Variants in LARGE1 observed in about 807,000 individuals in gnomAD.
The protein encoded by LARGE1 is LARGE xylosyl- and glucuronyltransferase 1, also known as xylosyl- and glucuronyltransferase LARGE1.
A neutral mutation model predicts 87.6 loss-of-function variants in LARGE1; 43 were observed. That is an observed-to-expected ratio of 0.49 (90% CI 0.38 to 0.63). LARGE1 has a LOEUF of 0.63. LARGE1 is among the 30% of genes least tolerant of loss of function. LARGE1 has a pLI of 0.00. For synonymous variants in LARGE1, 434 were observed against 394.6 expected (o/e 1.10, Z -1.18); for missense variants, 802 against 1,000.2 (o/e 0.80, Z 2.67).
chr22:33,873,122 T>C (rs9621791), intron 1 of LARGE1: 24,681 of 152,112 alleles, frequency 0.16, 2,121 homozygotes, highest in South Asian at 0.29. Context: ...GCCCAAACCA[T>C]CCCCAGCAAA....
chr22:33,686,658 C>A (rs932522690), intron 2 of LARGE1, among the ~76,000 whole-genome samples: 2 of 151,924 alleles, frequency 1.3e-5, no homozygotes, highest in Non-Finnish European at 2.9e-5. Flanking sequence ...TTTGGCCTAT[C>A]ATGGCCTAGA....
chr22:33,691,484 T>A (rs914286389), intron 2 of LARGE1, among the ~76,000 whole-genome samples: 1 of 152,142 alleles, frequency 6.6e-6, no homozygotes, highest in Admixed American at 6.5e-5. Flanking sequence ...CCAGCAAATA[T>A]TGACTGCACA....
chr22:33,186,753 A>G, intron 11 of LARGE1, among the ~76,000 whole-genome samples: 1 of 152,292 alleles, frequency 6.6e-6, no homozygotes, highest in East Asian at 1.9e-4. Flanking sequence ...GTAAAAATCT[A>G]TTAGACTTAA....
At chr22:33,840,907 G>A (rs2063263289) in intron 1 of LARGE1, among the ~76,000 whole-genome samples, 1 of 152,206 alleles carries the variant, frequency 6.6e-6, no homozygotes, top group African/African-American at 2.4e-5. Context: ...ACAGGCGTGA[G>A]CCACTGCACC....
At chr22:33,154,221 T>A in the LARGE1 span, among the ~76,000 whole-genome samples, 1 of 152,082 alleles carries the variant, frequency 6.6e-6, no homozygotes, top group African/African-American at 2.4e-5. Flanking sequence ...AAGTCAGGTT[T>A]ACATTTTTGT....
chr22:33,168,184 T>C (rs1922375564), intron 11 of LARGE1, among the ~76,000 whole-genome samples: 1 of 152,214 alleles, frequency 6.6e-6, no homozygotes, highest in African/African-American at 2.4e-5. Flanking sequence ...TTACCCCTGG[T>C]ACAACCAGCT....
At chr22:33,534,554 G>A (rs775192034) in intron 6 of LARGE1, among the ~76,000 whole-genome samples, 4 of 152,194 alleles carry the variant, frequency 2.6e-5, no homozygotes, top group Non-Finnish European at 5.9e-5. Context: ...AGCAAAGGGG[G>A]AATGCTGACC....
At chr22:33,421,245 T>TC (rs2066687286) in intron 7 of LARGE1, among the ~76,000 whole-genome samples, 1 of 149,692 alleles carries the variant, frequency 6.7e-6, no homozygotes, top group East Asian at 1.9e-4. Flanking sequence ...AATCAATCAA[T>TC]AAAGGAGTGG....
Position 33,499,757 on chromosome 22 carries a change from T to C in LARGE1, c.787+65091A>G, listed in dbSNP as rs373078915. 3.1e-3 allele frequency among the ~76,000 whole-genome samples: 466 copies of C among 152,294 alleles called. 5 individuals carry two copies. The highest frequency in any genetic ancestry group is 0.011 in the African/African-American group (450 of 41,572). ...TATGTGTTGTAATAGGTATTAGATA[T>C]GTAAAGATAAAACATGTAAATTTTT... On this transcript the variant is annotated intron_variant, in intron 6 of 14. Coordinates refer to ENST00000397394, the MANE Select transcript of LARGE1 (RefSeq NM_133642.5).
At chr22:33,436,127 G>T (rs144162794) in intron 6 of LARGE1, among the ~76,000 whole-genome samples, 2 of 152,130 alleles carry the variant, frequency 1.3e-5, no homozygotes, top group African/African-American at 4.8e-5. Flanking sequence ...GCCTGGTTCC[G>T]GTTCCTAGCC....
intron 11 of LARGE1, among the ~76,000 whole-genome samples, chr22:33,189,231 A>G (rs1923648487): frequency 6.6e-6 from 1 of 152,154 alleles, no homozygotes; most frequent in African/African-American, 2.4e-5. Flanking sequence ...TAGCACAGCC[A>G]TGCCAAGAGG....
At chr22:33,262,263 C>G (rs1208756688) in intron 11 of LARGE1, among the ~76,000 whole-genome samples, 4 of 152,204 alleles carry the variant, frequency 2.6e-5, no homozygotes, top group Non-Finnish European at 5.9e-5. Flanking sequence ...CCCAGGCCTA[C>G]CACTTCCTAA....
chr22:33,307,429 A>G (rs1226440593), intron 11 of LARGE1, among the ~76,000 whole-genome samples: 1 of 152,084 alleles, frequency 6.6e-6, no homozygotes, highest in Non-Finnish European at 1.5e-5. Context: ...TCTTTGCTTC[A>G]TTGTCTGTTT....
chr22:33,366,350 G>A (rs1312944125), intron 9 of LARGE1, among the ~76,000 whole-genome samples: 7 of 152,224 alleles, frequency 4.6e-5, no homozygotes, highest in Non-Finnish European at 8.8e-5. Flanking sequence ...ATAGTTTACT[G>A]TAGGTTTTCA....
chr22:33,611,067 T>C (rs1006850059), intron 4 of LARGE1, among the ~76,000 whole-genome samples: 5 of 151,262 alleles, frequency 3.3e-5, no homozygotes, highest in African/African-American at 9.8e-5. Context: ...TGGGTGCCCA[T>C]GCAGAAGCCT....
chr22:33,800,575 G>T lies in LARGE1; in HGVS notation c.-82-39017C>A, dbSNP rs1349453267. On this transcript the variant is annotated intron_variant, in intron 1 of 14. Transcript: ENST00000397394. Reference sequence around the variant, plus strand: ...TACTCACACCCCACCCTAGTCCCTGGCAACCACTGATCTTTTCCTATGCTC... The same window carrying T: ...TACTCACACCCCACCCTAGTCCCTGTCAACCACTGATCTTTTCCTATGCTC... 2.0e-5 allele frequency among the ~76,000 whole-genome samples: 3 copies of T among 152,074 alleles called. No homozygotes were observed. The East Asian group carries it at 5.8e-4, about 29-fold the overall frequency.
intron 1 of LARGE1, among the ~76,000 whole-genome samples, chr22:33,776,119 A>C (rs2085229029): frequency 6.6e-6 from 1 of 152,220 alleles, no homozygotes; most frequent in Non-Finnish European, 1.5e-5. Context: ...CACTGTGGTC[A>C]TCTTTATCTT....
chr22:33,707,927 G>A (rs17733991), intron 2 of LARGE1, among the ~76,000 whole-genome samples: 9,916 of 152,130 alleles, frequency 0.065, 353 homozygotes, highest in Middle Eastern at 0.095. Context: ...GGAAGTGTCT[G>A]CAGAATTGCC....
intron 2 of LARGE1, among the ~76,000 whole-genome samples, chr22:33,717,576 G>A (rs74763073): frequency 6.6e-6 from 1 of 152,120 alleles, no homozygotes; most frequent in Admixed American, 6.5e-5. Context: ...ATCCACTTGA[G>A]AACACTCAAA....
Sources: allele counts gnomAD v4.1 joint callset (sites outside exome capture counted in the v4.1 genomes callset), GRCh38; gene constraint gnomAD v4.1.1; transcripts MANE v1.5; gene names NCBI Gene and HGNC (gene_info 2026-07-23, HGNC 2026-07-21).